The following NOX4 variants were observed in gnomAD, a reference collection of about 807,000 sequenced individuals.
NOX4 encodes NADPH oxidase 4.
A neutral mutation model predicts 87.6 loss-of-function variants in NOX4; 69 were observed. The ratio of observed to expected loss-of-function variants is 0.79; its 90% confidence interval spans 0.65 to 0.96. The LOEUF (loss-of-function observed/expected upper bound fraction) is 0.96, where lower values mean the gene tolerates loss of function less well. Ranked by LOEUF, NOX4 falls within the 40% of genes least tolerant of loss-of-function variation. The probability of loss-of-function intolerance (pLI) is 0.00; values close to 1 mark genes in which losing one functional copy is unlikely to be tolerated. For synonymous variants in NOX4, 275 were observed against 238.2 expected (o/e 1.15, Z -1.42); for missense variants, 680 against 681.5 (o/e 1.00, Z 0.02).
the NOX4 span, among the ~76,000 whole-genome samples, chr11:89,580,180 CTATT>C: frequency 4.6e-5 from 7 of 151,918 alleles, no homozygotes; most frequent in Non-Finnish European, 7.4e-5. Context: ...AAAAGATATA[CTATT>C]TATTTATTTT....
the NOX4 span, among the ~76,000 whole-genome samples, chr11:89,529,851 G>GCTTT: frequency 2.6e-5 from 4 of 152,138 alleles, no homozygotes; most frequent in Admixed American, 6.6e-5. Context: ...AATGTACAAA[G>GCTTT]ATTGGACATA....
At chr11:89,407,803 C>A (rs1194188177) in intron 8 of NOX4, among the ~76,000 whole-genome samples, 1 of 151,062 alleles carries the variant, frequency 6.6e-6, no homozygotes, top group Non-Finnish European at 1.5e-5. Context: ...TTACAAAATA[C>A]CACACCTGAC....
intron 8 of NOX4, among the ~76,000 whole-genome samples, chr11:89,403,038 T>G (rs1388293545): frequency 6.6e-6 from 1 of 152,186 alleles, no homozygotes; most frequent in Non-Finnish European, 1.5e-5. Flanking sequence ...GAACTGGAAG[T>G]TTGTCTCTCC....
chr11:89,465,142 C>G (rs1004504598), intron 2 of NOX4, among the ~76,000 whole-genome samples: 3 of 152,024 alleles, frequency 2.0e-5, no homozygotes, highest in African/African-American at 7.3e-5. Flanking sequence ...CTCCCCTAGC[C>G]CCCCACCACC....
At chr11:89,427,473 GA>G (rs1216493339) in intron 7 of NOX4, among the ~76,000 whole-genome samples, 1 of 151,808 alleles carries the variant, frequency 6.6e-6, no homozygotes, top group Non-Finnish European at 1.5e-5. Context: ...TAAAAACCTT[GA>G]AAAAAAATTA....
chr11:89,440,829 C>T, intron 5 of NOX4, 114 bp from the exon 6 acceptor site: 1 of 526,552 alleles, frequency 1.9e-6, no homozygotes, highest in Non-Finnish European at 3.3e-6. Context: ...AAATACTGTT[C>T]ATCCAACGGA....
At chr11:89,440,568 G>T (rs986614214) in intron 6 of NOX4, 120 bp downstream of exon 6, 8 of 529,714 alleles carry the variant, frequency 1.5e-5, no homozygotes, top group East Asian at 7.1e-5. Context: ...CAGGTGATCC[G>T]CCCGCCTCAG....
intron 13 of NOX4, among the ~76,000 whole-genome samples, chr11:89,342,798 T>C (rs1358624932): frequency 6.6e-6 from 1 of 152,156 alleles, no homozygotes; most frequent in African/African-American, 2.4e-5. Context: ...ACTCTGCTCA[T>C]GTTTATATAT....
At chr11:89,484,786 G>C (rs181516060) in intron 2 of NOX4, among the ~76,000 whole-genome samples, 1 of 152,148 alleles carries the variant, frequency 6.6e-6, no homozygotes, top group Non-Finnish European at 1.5e-5. Context: ...CAAGAAAATT[G>C]TGTCTAAATA....
chr11:89,491,242 G>A lies in NOX4; in HGVS notation c.5C>T (p.Ala2Val), dbSNP rs1946840949. MAVSWRSWLANE... is the reference protein window; with the variant it reads MVVSWRSWLANE... ...GGCGAGCCAGCTCCTCCAGGACACA[G>A]CCATGCCGCCGGCCCCGCCGCGCTG... The change falls in exon 1 of 18, where the codon GCT becomes GTT. Residue 2 changes from alanine to valine, a missense_variant. By Grantham distance (64) the Ala-to-Val change is moderately conservative (BLOSUM62 0). Coordinates refer to ENST00000263317, the MANE Select transcript of NOX4 (RefSeq NM_016931.5). 1.2e-6 allele frequency: 2 copies of A among 1,612,616 alleles called. No homozygotes were observed. Among genetic ancestry groups the A allele is most frequent in the African/African-American group, 1.3e-5 (1 of 74,908 alleles).
chr11:89,491,504 G>C (rs1470858671), upstream of NOX4: 1 of 473,876 alleles, frequency 2.1e-6, no homozygotes. Context: ...GACGCCCAGC[G>C]CTCTGAGCGC....
At chr11:89,410,646 C>A (rs1443882749) in intron 8 of NOX4, among the ~76,000 whole-genome samples, 2 of 152,212 alleles carry the variant, frequency 1.3e-5, no homozygotes, top group Admixed American at 1.3e-4. Context: ...AGGAGGAACT[C>A]AGCCAGAGCC....
Position 89,394,762 on chromosome 11 carries a change from C to T in NOX4, c.1074+5255G>A, listed in dbSNP as rs111507104. On this transcript the variant is annotated intron_variant, in intron 11 of 17. Transcript: ENST00000263317. ...GTGAGAACATGTGGTGTTTGCTTCT[C>T]TGTCCTTGTGATAGTTTGCTCAGAA... Among the ~76,000 whole-genome samples, 179 of 152,068 alleles carry T rather than the reference C, an allele frequency of 1.2e-3. 1 individual carries two copies. The highest frequency in any genetic ancestry group is 3.9e-3 in the African/African-American group (160 of 41,506).
At chr11:89,384,846 T>C (rs1030291560) in intron 11 of NOX4, among the ~76,000 whole-genome samples, 7 of 152,108 alleles carry the variant, frequency 4.6e-5, no homozygotes, top group Non-Finnish European at 1.0e-4. Context: ...CCCCGCATTA[T>C]TTCAGATACC....
chr11:89,492,878 A>T (rs1274830356), upstream of NOX4, among the ~76,000 whole-genome samples: 2 of 152,324 alleles, frequency 1.3e-5, no homozygotes, highest in East Asian at 3.9e-4. Flanking sequence ...GCGTGAAACA[A>T]TTCAAGAATA....
At chr11:89,566,933 C>A in the NOX4 span, among the ~76,000 whole-genome samples, 1 of 152,154 alleles carries the variant, frequency 6.6e-6, no homozygotes, top group Non-Finnish European at 1.5e-5. Context: ...TCCGAGCTGG[C>A]ATGGAGAGCT....
chr11:89,497,128 T>C (rs1366053890), upstream of NOX4, among the ~76,000 whole-genome samples: 2 of 152,320 alleles, frequency 1.3e-5, no homozygotes, highest in East Asian at 3.9e-4. Context: ...CCCAGGTGTG[T>C]AGAGATTTAC....
At chr11:89,463,609 C>A (rs562270487) in intron 2 of NOX4, among the ~76,000 whole-genome samples, 1 of 152,002 alleles carries the variant, frequency 6.6e-6, no homozygotes, top group East Asian at 1.9e-4. Flanking sequence ...TTATTGTCAG[C>A]ATATGAAATA....
At chr11:89,334,690 G>A (rs1428386930) in intron 17 of NOX4, among the ~76,000 whole-genome samples, 1 of 151,568 alleles carries the variant, frequency 6.6e-6, no homozygotes, top group Non-Finnish European at 1.5e-5. Flanking sequence ...AAATTATGAA[G>A]TGTTCAACTA....
Sources: allele counts gnomAD v4.1 joint callset (sites outside exome capture counted in the v4.1 genomes callset), GRCh38; gene constraint gnomAD v4.1.1; transcripts MANE v1.5; gene names NCBI Gene and HGNC (gene_info 2026-07-23, HGNC 2026-07-21).